Variants in GAREM2 observed in about 807,000 individuals in gnomAD.
GAREM2 encodes the protein GRB2-associated and regulator of MAPK protein 2.
GAREM2 carries 30 observed loss-of-function variants against 55.6 expected under a neutral mutation model. The ratio of observed to expected loss-of-function variants is 0.54; its 90% CI spans 0.40 to 0.73. The LOEUF (loss-of-function observed/expected upper bound fraction) is 0.73, where lower values mean the gene tolerates loss of function less well. Ranked by LOEUF, GAREM2 falls within the 30% of genes least tolerant of loss-of-function variation. The probability of loss-of-function intolerance (pLI) is 0.00; values close to 1 mark genes in which losing one functional copy is unlikely to be tolerated. For missense variants in GAREM2, 1,075 were observed against 1,257.7 expected (o/e 0.85, Z 2.20); for synonymous variants, 550 against 569.1 (o/e 0.97, Z 0.48).
intron 4 of GAREM2, 49 bp downstream of exon 4, chr2:26,185,325 AGCCCGTTCTCCTGGGCCCCG>A: frequency 6.9e-7 from 1 of 1,455,946 alleles, no homozygotes; most frequent in African/African-American, 1.5e-5. Context: ...CAGGGCCCAA[AGCCCGTTCTCCTGGGCCCCG>A]GCCCCGGAGT....
intron 2 of GAREM2, chr2:26,180,988 C>G (rs1574589092): frequency 2.0e-6 from 2 of 985,486 alleles, no homozygotes; most frequent in South Asian, 4.7e-5. Context: ...CCCACCTCCC[C>G]CTTCTTCTGT....
chr2:26,189,453 CTATT>C lies in GAREM2; in HGVS notation c.*1202_*1205del, dbSNP rs1291425711. 6.6e-6 allele frequency: 1 copy of C among 152,212 alleles called. No individual in the cohort carries two copies. The highest frequency in any genetic ancestry group is 1.5e-5 in the Non-Finnish European group (1 of 68,042). 9.4% of individuals were successfully genotyped at this position (152,212 alleles called of 1,614,324 possible). On this transcript the variant is annotated 3_prime_UTR_variant, in exon 6 of 6. Transcript: ENST00000401533. ...TTCTCTTCTGCCTTACCTAGTCTAC[CTATT>C]TATTTCCTCCACTTTTTATCTTAAA...
At chr2:26,204,235 C>T in the GAREM2 span, 1 of 1,602,442 alleles carries the variant, frequency 6.2e-7, no homozygotes, top group African/African-American at 1.3e-5. Context: ...GTAAACTGAT[C>T]TTAATCATTT....
At chr2:26,173,668 C>A (rs539184864) in intron 1 of GAREM2, among the ~76,000 whole-genome samples, 1 of 152,134 alleles carries the variant, frequency 6.6e-6, no homozygotes, top group African/African-American at 2.4e-5. Context: ...CCCCCCGCCC[C>A]GGCCGCGCCC....
chr2:26,192,169 G>C (rs1244827087), downstream of GAREM2: 2 of 637,462 alleles, frequency 3.1e-6, no homozygotes, highest in Non-Finnish European at 5.6e-6. Context: ...ACCATGGCAC[G>C]TGTATACCTA....
intron 4 of GAREM2, 150 bp from the exon 5 acceptor site, chr2:26,186,039 G>C (rs1669241820): frequency 2.8e-6 from 2 of 715,564 alleles, no homozygotes; most frequent in Admixed American, 6.2e-5. Flanking sequence ...CTGGCTGACT[G>C]GATGAGCAGT....
At position 26,187,846 on chromosome 2, in the gene GAREM2, CCCCT is replaced by C; in HGVS notation, c.2217_2220del (p.Ser740ArgfsTer33). On this transcript the variant is annotated frameshift_variant, in exon 6 of 6. Transcript: ENST00000401533. LOFTEE classifies it high-confidence loss of function. ...CTGGACCCCGCCTTTCACCACTTGG[CCCCT>C]CCAAGGCCTTTGAGCCTGAAGGTTT... The C allele has an allele frequency of 6.9e-7, 1 of 1,439,662 alleles. No homozygotes were observed. Among genetic ancestry groups the C allele is most frequent in the Non-Finnish European group, 9.2e-7 (1 of 1,091,398 alleles). The allele number at this position is 1,439,662 out of a possible 1,614,324, so 89.2% of individuals were successfully genotyped here. A position where few individuals can be genotyped will look rare whatever the true frequency, so the allele number is the denominator to read the frequency against.
At chr2:26,176,550 A>T in intron 2 of GAREM2, 66 bp downstream of exon 2, 21 of 1,316,358 alleles carry the variant, frequency 1.6e-5, no homozygotes, top group East Asian at 3.0e-5. Flanking sequence ...GACTGGGGCC[A>T]GGGGTAGGGG....
At chr2:26,191,404 A>G, downstream of GAREM2, 1 of 1,614,162 alleles carries the variant, frequency 6.2e-7, no homozygotes, top group Non-Finnish European at 8.5e-7. Context: ...CCCTGAATAG[A>G]GAAAGAGGAC....
chr2:26,177,277 G>C (rs1159595628), intron 2 of GAREM2, among the ~76,000 whole-genome samples: 1 of 152,194 alleles, frequency 6.6e-6, no homozygotes, highest in Non-Finnish European at 1.5e-5. Context: ...GCTGTCCCCT[G>C]TGTGGGAGGG....
chr2:26,173,343 C>T lies in GAREM2; in HGVS notation c.112+11C>T. 1 of 1,353,996 alleles carries T rather than the reference C, an allele frequency of 7.4e-7. No individual in the cohort carries two copies. The highest frequency in any genetic ancestry group is 9.6e-7 in the Non-Finnish European group (1 of 1,042,084). The allele number at this position is 1,353,996 out of a possible 1,614,324, so 83.9% of individuals were successfully genotyped here. On this transcript the variant is annotated intron_variant, in intron 1 of 5. Transcript: ENST00000401533. ...CCTGCCTTGGGCCAGGTACCGGGGT[C>T]GCTGGAGATGGGGACCGGGGTCCGC...
the GAREM2 span, chr2:26,195,057 CA>C: frequency 6.3e-7 from 1 of 1,588,778 alleles, no homozygotes; most frequent in Non-Finnish European, 8.6e-7. Context: ...TAGAACTTTT[CA>C]AAAACTCTGC....
At position 26,181,058 on chromosome 2, in the gene GAREM2, A is replaced by G. The variant is rs537022760; in HGVS notation, c.254-1909A>G. On this transcript the variant is annotated intron_variant, in intron 2 of 5. Coordinates refer to ENST00000401533, the MANE Select transcript of GAREM2 (RefSeq NM_001168241.2). ...TCTTGGTCTGTTTCTGCTATTCCCTAGCTCTTCTCCAGAACCCCTTACTGG... is the reference window on the plus strand; with the variant it reads ...TCTTGGTCTGTTTCTGCTATTCCCTGGCTCTTCTCCAGAACCCCTTACTGG... 3.0e-5 allele frequency: 30 copies of G among 985,162 alleles called. 1 individual carries two copies. In the South Asian group the frequency reaches 1.2e-3, roughly 40 times the overall value. 61.0% of individuals were successfully genotyped at this position (985,162 alleles called of 1,614,324 possible).
At chr2:26,190,165 C>T (rs1401727595), downstream of GAREM2, among the ~76,000 whole-genome samples, 4 of 152,206 alleles carry the variant, frequency 2.6e-5, no homozygotes, top group Non-Finnish European at 5.9e-5. Context: ...GCCTGCCAGT[C>T]CCAGCTACAG....
chr2:26,185,405 A>G (rs1669218100), intron 4 of GAREM2, 129 bp downstream of exon 4: 1 of 1,350,286 alleles, frequency 7.4e-7, no homozygotes, highest in Non-Finnish European at 9.6e-7. Flanking sequence ...GGGGAGAAGG[A>G]AAGGGCAGAG....
chr2:26,178,963 G>C (rs1032939360), intron 2 of GAREM2, among the ~76,000 whole-genome samples: 6 of 150,690 alleles, frequency 4.0e-5, no homozygotes, highest in African/African-American at 1.5e-4. Context: ...CTGAGTGCAC[G>C]GCTGGGCTCC....
Position 26,179,164 on chromosome 2 carries a change from C to G in GAREM2, c.253+2680C>G, listed in dbSNP as rs1311936711. ...CGCTCTGCTCCGGGAGTCAGGGAGA[C>G]CTGGCCTGGCCCCGTACTGTCCCCC... On this transcript the variant is annotated intron_variant, in intron 2 of 5. Coordinates refer to ENST00000401533, the MANE Select transcript of GAREM2 (RefSeq NM_001168241.2). This position sits in a 1 kb window ranked among gnomAD's most constrained non-coding sequence, Gnocchi z 4.7. 6.6e-6 allele frequency among the ~76,000 whole-genome samples: 1 copy of G among 152,136 alleles called. No individual in the cohort carries two copies. Among genetic ancestry groups the G allele is most frequent in the Non-Finnish European group, 1.5e-5 (1 of 68,016 alleles).
chr2:26,194,995 T>C, the GAREM2 span: 1 of 1,043,292 alleles, frequency 9.6e-7, no homozygotes, highest in East Asian at 2.4e-5. Context: ...CAAAGTCTGG[T>C]CATTTGCCCC....
chr2:26,184,812 C>G lies in GAREM2; in HGVS notation c.964C>G (p.Pro322Ala). 6.7e-7 allele frequency: 1 copy of G among 1,490,398 alleles called. No homozygotes were observed. The highest frequency in any genetic ancestry group is 8.9e-7 in the Non-Finnish European group (1 of 1,128,030). The allele number at this position is 1,490,398 out of a possible 1,614,324, so 92.3% of individuals were successfully genotyped here. ...PLHFLLLTDTPRFALPQGLLA... is the reference protein window; with the variant it reads ...PLHFLLLTDTARFALPQGLLA... ...GCACTTCCTGCTGCTCACGGACACG[C>G]CGCGCTTCGCGCTGCCGCAGGGCCT... is the stretch of plus-strand genomic sequence containing the variant. The change falls in exon 4 of 6, where the codon CCG (proline) becomes GCG (alanine). Residue 322 changes from proline (P) to alanine (A), a missense_variant. By Grantham distance (27) the Pro-to-Ala change is conservative. This residue lies in a region of GAREM2 where 170 missense variants were observed against 220.7 expected (regional missense o/e 0.77). Transcript: ENST00000401533.
Sources: allele counts gnomAD v4.1 joint callset (sites outside exome capture counted in the v4.1 genomes callset), GRCh38; gene constraint gnomAD v4.1.1; regional missense constraint gnomAD v4.1.1; non-coding constraint Gnocchi (gnomAD v3.1); transcripts MANE v1.5; gene names NCBI Gene and HGNC (gene_info 2026-07-23, HGNC 2026-07-21).